NCOA1: variants seen among roughly 807,000 people sequenced by gnomAD.
The protein encoded by NCOA1 is Hin-2 protein.
A neutral mutation model predicts 150.9 loss-of-function variants in NCOA1; 35 were observed. That is an observed-to-expected ratio of 0.23 (90% CI 0.18 to 0.31). The LOEUF (loss-of-function observed/expected upper bound fraction) is 0.31, where lower values mean the gene tolerates loss of function less well. NCOA1 is among the 10% of genes least tolerant of loss of function. The pLI is 1.00. For synonymous variants in NCOA1, 590 were observed against 630.0 expected (o/e 0.94, Z 0.95); for missense variants, 1,491 against 1,749.3 (o/e 0.85, Z 2.63).
At chr2:24,587,001 T>G (rs1667441097) in intron 3 of NCOA1, among the ~76,000 whole-genome samples, 1 of 152,052 alleles carries the variant, frequency 6.6e-6, no homozygotes, top group Non-Finnish European at 1.5e-5. Context: ...CTTTCCCGTT[T>G]CTCAGGACAG....
At chr2:24,556,904 A>C (rs1008103777) in intron 1 of NCOA1, among the ~76,000 whole-genome samples, 2 of 151,802 alleles carry the variant, frequency 1.3e-5, no homozygotes, top group Non-Finnish European at 2.9e-5. Context: ...ATTCCACTTT[A>C]TCTCTACTCT....
At chr2:24,564,756 T>C (rs985999044) in intron 2 of NCOA1, 6 of 152,354 alleles carry the variant, frequency 3.9e-5, no homozygotes, top group African/African-American at 1.4e-4. Context: ...TAAAGGGATA[T>C]ATTTATTAAA....
At chr2:24,726,455 G>A (rs1319531749) in intron 14 of NCOA1, 134 bp from the exon 15 acceptor site, 2 of 515,644 alleles carry the variant, frequency 3.9e-6, no homozygotes, top group Non-Finnish European at 7.0e-6. Flanking sequence ...TTAAATTGCT[G>A]AATAAGTGAC....
intron 2 of NCOA1, among the ~76,000 whole-genome samples, chr2:24,569,345 T>G (rs1160799566): frequency 6.6e-6 from 1 of 152,090 alleles, no homozygotes; most frequent in Non-Finnish European, 1.5e-5. Context: ...GCTACTGATA[T>G]TGTATGATTT....
At chr2:24,641,795 A>AT (rs542176641) in intron 3 of NCOA1, among the ~76,000 whole-genome samples, 3 of 150,824 alleles carry the variant, frequency 2.0e-5, no homozygotes, top group East Asian at 1.9e-4. Context: ...TTTTGTCTTA[A>AT]TTTTTTTTTA....
chr2:24,592,578 A>ATTTTT (rs145333073), intron 3 of NCOA1, among the ~76,000 whole-genome samples: 9 of 103,454 alleles, frequency 8.7e-5, no homozygotes, highest in South Asian at 3.3e-4. Context: ...TCCCCTCCTA[A>ATTTTT]TTTTTTTTTT....
intron 1 of NCOA1, among the ~76,000 whole-genome samples, chr2:24,516,796 A>G (rs1405121342): frequency 7.1e-6 from 1 of 141,374 alleles, no homozygotes; most frequent in South Asian, 2.3e-4. Context: ...CCTTCATTCC[A>G]ATGTACTTTC....
intron 1 of NCOA1, among the ~76,000 whole-genome samples, chr2:24,542,718 A>G (rs895253836): frequency 6.6e-6 from 1 of 152,202 alleles, no homozygotes. Flanking sequence ...ACCTTGCTAC[A>G]CTGTCATTGA....
At chr2:24,712,257 GCTC>G (rs1355297711) in intron 14 of NCOA1, among the ~76,000 whole-genome samples, 2 of 152,154 alleles carry the variant, frequency 1.3e-5, no homozygotes, top group African/African-American at 4.8e-5. Flanking sequence ...AAGCAGTGAG[GCTC>G]TAGACTGGAA....
chr2:24,734,812 A>G (rs1055397483), intron 17 of NCOA1, among the ~76,000 whole-genome samples: 1 of 152,172 alleles, frequency 6.6e-6, no homozygotes, highest in African/African-American at 2.4e-5. Context: ...TCTAAAAAAA[A>G]AAATTAAAAC....
chr2:24,516,317 C>T (rs76958321), intron 1 of NCOA1, among the ~76,000 whole-genome samples: 2 of 151,214 alleles, frequency 1.3e-5, no homozygotes, highest in East Asian at 2.0e-4. Context: ...CTCAGCCTCC[C>T]GAGTAGCTGG....
chr2:24,698,125 G>A (rs561334282), intron 11 of NCOA1, among the ~76,000 whole-genome samples: 2 of 152,180 alleles, frequency 1.3e-5, no homozygotes, highest in African/African-American at 2.4e-5. Flanking sequence ...AGAAGGTTTT[G>A]CCCTTAAAGA....
intron 3 of NCOA1, among the ~76,000 whole-genome samples, chr2:24,618,003 T>G (rs1668950945): frequency 6.6e-6 from 1 of 152,214 alleles, no homozygotes; most frequent in Non-Finnish European, 1.5e-5. Flanking sequence ...TCATTATAAT[T>G]CCATAATTAT....
chr2:24,683,478 G>A (rs548561988), intron 8 of NCOA1, among the ~76,000 whole-genome samples: 4 of 152,256 alleles, frequency 2.6e-5, no homozygotes, highest in Admixed American at 2.0e-4. Flanking sequence ...GAGGGAAGAA[G>A]GAAAGAATAT....
chr2:24,636,724 T>C (rs1244080646), intron 3 of NCOA1, among the ~76,000 whole-genome samples: 1 of 152,146 alleles, frequency 6.6e-6, no homozygotes, highest in Non-Finnish European at 1.5e-5. Flanking sequence ...TATTTTACCA[T>C]TATATAAAAT....
chr2:24,642,388 G>T, intron 3 of NCOA1, among the ~76,000 whole-genome samples: 1 of 150,006 alleles, frequency 6.7e-6, no homozygotes, highest in South Asian at 2.1e-4. Context: ...ATCTTTGTTA[G>T]GTGTTTCCAA....
At chr2:24,515,650 C>G (rs1664132204) in intron 1 of NCOA1, among the ~76,000 whole-genome samples, 2 of 152,024 alleles carry the variant, frequency 1.3e-5, no homozygotes, top group African/African-American at 2.4e-5. Context: ...TGCTTATTTG[C>G]ATTATTGAAT....
intron 3 of NCOA1, among the ~76,000 whole-genome samples, chr2:24,599,392 T>G (rs986786799): frequency 2.0e-5 from 3 of 152,198 alleles, no homozygotes; most frequent in African/African-American, 7.2e-5. Context: ...TTTGAAGATA[T>G]CAGATATATC....
At chr2:24,614,993 A>T (rs1342357739) in intron 3 of NCOA1, among the ~76,000 whole-genome samples, 1 of 152,228 alleles carries the variant, frequency 6.6e-6, no homozygotes, top group Non-Finnish European at 1.5e-5. Context: ...ATCAAAGCAC[A>T]GAGAAATTGA....
Sources: allele counts gnomAD v4.1 joint callset (sites outside exome capture counted in the v4.1 genomes callset), GRCh38; gene constraint gnomAD v4.1.1; transcripts MANE v1.5; gene names NCBI Gene and HGNC (gene_info 2026-07-23, HGNC 2026-07-21).